LEMD1: variants seen among roughly 807,000 people sequenced by gnomAD.
LEMD1 encodes the protein LEM domain containing 1.
A neutral mutation model predicts 17.4 loss-of-function variants in LEMD1; 18 were observed. That is an observed-to-expected ratio of 1.04 (90% CI 0.72 to 1.54). The LOEUF is 1.54. LEMD1 is among the 40% of genes most tolerant of loss of function. The pLI, the probability that LEMD1 is intolerant of heterozygous loss-of-function variation, is 0.00. For missense variants in LEMD1, 195 were observed against 210.4 expected (o/e 0.93, Z 0.45); for synonymous variants, 88 against 77.8 (o/e 1.13, Z -0.69).
intron 1 of LEMD1, among the ~76,000 whole-genome samples, chr1:205,439,244 T>G (rs957608448): frequency 6.6e-6 from 1 of 152,232 alleles, no homozygotes; most frequent in South Asian, 2.1e-4. Flanking sequence ...CCTTTATTGC[T>G]GAATCTTGCT....
At chr1:205,420,625 C>G in intron 1 of LEMD1, 51 bp from the exon 2 acceptor site, 1 of 992,208 alleles carries the variant, frequency 1.0e-6, no homozygotes, top group Non-Finnish European at 1.6e-6. Context: ...CCAATAAGTA[C>G]TAAAATGTTA....
chr1:205,414,538 C>T (rs375153824), intron 4 of LEMD1, among the ~76,000 whole-genome samples: 1 of 152,066 alleles, frequency 6.6e-6, no homozygotes, highest in African/African-American at 2.4e-5. Flanking sequence ...AGTCCTCCCA[C>T]CTCAGCCCCC....
chr1:205,407,398 A>T (rs1665169210), intron 4 of LEMD1, among the ~76,000 whole-genome samples: 1 of 150,884 alleles, frequency 6.6e-6, no homozygotes, highest in Non-Finnish European at 1.5e-5. Context: ...AGAGGAGGGG[A>T]GCTGAAGGTT....
rs1665911611 is a variant in LEMD1 at position 205,420,472 on chromosome 1, G to A, written c.65C>T (p.Ser22Leu). ...GTACATACGTAGTATTGGGCCAGGTGAAAATCCAAGCTTCTCAAGTTGGTT... is the reference window on the plus strand; with the variant it reads ...GTACATACGTAGTATTGGGCCAGGTAAAAATCCAAGCTTCTCAAGTTGGTT... The part of the protein sequence containing the change: ...LQNQLEKLGF[S>L]PGPILPSTRK... Residue 22 changes from serine (S) to leucine (L), a missense_variant, in exon 2 of 6, where the codon TCA (serine) becomes TTA (leucine). Ser to Leu is a moderately radical substitution (Grantham distance 145). Coordinates refer to ENST00000367153, the MANE Select transcript of LEMD1 (RefSeq NM_001199050.2). 1 of 1,613,698 alleles carries A rather than the reference G, an allele frequency of 6.2e-7. No individual in the cohort carries two copies. The highest frequency in any genetic ancestry group is 1.1e-5 in the South Asian group (1 of 91,068).
At chr1:205,403,423 GT>G (rs1280839111) in intron 4 of LEMD1, among the ~76,000 whole-genome samples, 1 of 152,150 alleles carries the variant, frequency 6.6e-6, no homozygotes, top group Non-Finnish European at 1.5e-5. Context: ...TCCTGGTTTA[GT>G]CTTGGGAGAG....
At chr1:205,432,323 C>T (rs886954790) in intron 1 of LEMD1, among the ~76,000 whole-genome samples, 1 of 152,144 alleles carries the variant, frequency 6.6e-6, no homozygotes, top group African/African-American at 2.4e-5. Context: ...CTCCCGGTCT[C>T]CCACCGGCTT....
chr1:205,395,594 CAA>C lies in LEMD1; in HGVS notation c.271-11232_271-11231del, dbSNP rs11365761. ...GGGCAACAAGAGCGAAATTCTGTCT[CAA>C]AAAAAAAAAAAAGAAAAAAAAGAGA... On this transcript the variant is annotated intron_variant, in intron 4 of 5. Coordinates refer to ENST00000367153, the MANE Select transcript of LEMD1 (RefSeq NM_001199050.2). Among the ~76,000 whole-genome samples the C allele has an allele frequency of 9.5e-3, 1,228 of 129,150 alleles. 6 individuals carry two copies. Among genetic ancestry groups the C allele is most frequent in the Non-Finnish European group, 0.011 (640 of 59,902 alleles). The allele number at this position is 129,150 out of a possible 152,430, so 84.7% of individuals were successfully genotyped here. A position where few individuals can be genotyped will look rare whatever the true frequency, so the allele number is the denominator to read the frequency against.
intron 1 of LEMD1, among the ~76,000 whole-genome samples, chr1:205,433,579 A>G (rs1666160454): frequency 6.6e-6 from 1 of 152,208 alleles, no homozygotes. Context: ...CTCAATATTG[A>G]TAGAACAGAT....
rs1666298972 is a variant in LEMD1 at position 205,441,869 on chromosome 1, C to T, written c.-39+7999G>A. On this transcript the variant is annotated intron_variant, in intron 1 of 3. Transcript: ENST00000367154. This position sits in a 1 kb window ranked among gnomAD's most constrained non-coding sequence, Gnocchi z 4.3. ...CCCCAGCTGGACACGCTGTCCCCCA[C>T]CTCTGGCTGACCCGGCCCTCAGCAG... Among the ~76,000 whole-genome samples the T allele has an allele frequency of 1.3e-5, 2 of 152,334 alleles. No individual in the cohort carries two copies. Among genetic ancestry groups the T allele is most frequent in the Admixed American group, 6.5e-5 (1 of 15,310 alleles).
intron 4 of LEMD1, among the ~76,000 whole-genome samples, chr1:205,389,232 A>G (rs1214026674): frequency 6.6e-6 from 1 of 151,754 alleles, no homozygotes; most frequent in East Asian, 1.9e-4. Context: ...TATTTTTAGT[A>G]GAGATGGGGA....
At chr1:205,411,985 C>T (rs1487862893) in intron 4 of LEMD1, among the ~76,000 whole-genome samples, 1 of 152,222 alleles carries the variant, frequency 6.6e-6, no homozygotes, top group Non-Finnish European at 1.5e-5. Context: ...GATATAAACA[C>T]TTCCAACCTT....
chr1:205,398,579 G>A (rs986133719), intron 4 of LEMD1, among the ~76,000 whole-genome samples: 5 of 152,174 alleles, frequency 3.3e-5, no homozygotes, highest in African/African-American at 9.7e-5. Flanking sequence ...CGTCCCCTGG[G>A]GTGTCAGTAT....
intron 1 of LEMD1, among the ~76,000 whole-genome samples, chr1:205,430,353 T>C (rs952938654): frequency 1.3e-5 from 2 of 152,136 alleles, no homozygotes; most frequent in Admixed American, 1.3e-4. Context: ...TGGATCTGAA[T>C]GGAGCCCATG....
intron 1 of LEMD1, among the ~76,000 whole-genome samples, chr1:205,447,451 T>C (rs929031385): frequency 2.6e-5 from 4 of 152,088 alleles, no homozygotes; most frequent in African/African-American, 7.2e-5. Context: ...CAGTGGTCTG[T>C]CTTAGACAGA....
At chr1:205,385,431 G>C (rs963488420) in intron 4 of LEMD1, 1 of 152,218 alleles carries the variant, frequency 6.6e-6, no homozygotes, top group Non-Finnish European at 1.5e-5. Context: ...TCAAACACCT[G>C]GCCTCAAGCA....
chr1:205,414,396 G>A (rs1177150675), intron 4 of LEMD1, among the ~76,000 whole-genome samples: 1 of 149,554 alleles, frequency 6.7e-6, no homozygotes, highest in Non-Finnish European at 1.5e-5. Flanking sequence ...CAGCCTGGGC[G>A]ACAGCGTGAG....
chr1:205,400,255 G>T (rs538884407), intron 4 of LEMD1, among the ~76,000 whole-genome samples: 1 of 152,168 alleles, frequency 6.6e-6, no homozygotes, highest in East Asian at 1.9e-4. Context: ...TAGAGAAGAG[G>T]TCTCACTATG....
At chr1:205,393,117 G>T (rs919799160) in intron 4 of LEMD1, among the ~76,000 whole-genome samples, 1 of 151,928 alleles carries the variant, frequency 6.6e-6, no homozygotes, top group African/African-American at 2.4e-5. Flanking sequence ...TATATCTGGG[G>T]TCTATTATCT....
chr1:205,382,444 G>T (rs759920700), intron 5 of LEMD1, among the ~76,000 whole-genome samples: 1 of 151,894 alleles, frequency 6.6e-6, no homozygotes, highest in Non-Finnish European at 1.5e-5. Flanking sequence ...AAATTTTTTT[G>T]TAGAGACGAG....
Sources: gnomAD v4.1 joint callset for allele counts (sites outside exome capture counted in the v4.1 genomes callset) on GRCh38, gnomAD v4.1.1 for gene constraint, Gnocchi (gnomAD v3.1) non-coding constraint, MANE v1.5 for transcripts, NCBI Gene and HGNC (gene_info 2026-07-23, HGNC 2026-07-21) for gene names.